The following ADGRL3 variants were observed in gnomAD, a reference collection of about 807,000 sequenced individuals.
The protein encoded by ADGRL3 is calcium-independent alpha-latrotoxin receptor 3.
ADGRL3 carries 62 observed loss-of-function variants against 153.5 expected under a neutral mutation model. The observed-to-expected ratio is 0.40, with a 90% confidence interval of 0.33 to 0.50. The LOEUF is 0.50. Ranked by LOEUF, ADGRL3 falls within the 20% of genes least tolerant of loss-of-function variation. The pLI is 0.47. For synonymous variants in ADGRL3, 710 were observed against 672.5 expected (o/e 1.06, Z -0.86); for missense variants, 1,641 against 1,859.4 (o/e 0.88, Z 2.16).
intron 8 of ADGRL3, among the ~76,000 whole-genome samples, chr4:61,742,445 A>T (rs1216171858): frequency 1.3e-5 from 2 of 151,312 alleles, no homozygotes; most frequent in Non-Finnish European, 2.9e-5. Flanking sequence ...CGCCCGGCTA[A>T]TTTTTTTTGT....
intron 5 of ADGRL3, among the ~76,000 whole-genome samples, chr4:61,614,919 G>T (rs767360282): frequency 3.3e-5 from 5 of 152,072 alleles, no homozygotes; most frequent in African/African-American, 4.8e-5. Flanking sequence ...CTTTATGTTG[G>T]TGTTAAAAGC....
rs527410641 is a variant in ADGRL3, at chr4:61,819,171, C to T, written c.1480+5282C>T. On this transcript the variant is annotated intron_variant, in intron 9 of 26. Coordinates refer to ENST00000683033, the MANE Select transcript of ADGRL3 (RefSeq NM_001387552.1). Reference sequence around the variant, plus strand: ...GTACATACATCTCTATATCTATCTGCTCATCTGTTGACAAGGGACATGGGA... The same window carrying T: ...GTACATACATCTCTATATCTATCTGTTCATCTGTTGACAAGGGACATGGGA... Among the ~76,000 whole-genome samples, 11 of 152,186 alleles carry T rather than the reference C, an allele frequency of 7.2e-5. 1 individual carries two copies. In the South Asian group the frequency reaches 2.3e-3, roughly 32 times the overall value.
intron 2 of ADGRL3, among the ~76,000 whole-genome samples, chr4:61,469,946 C>A (rs1262518523): frequency 1.3e-5 from 2 of 150,756 alleles, no homozygotes; most frequent in Non-Finnish European, 3.0e-5. Context: ...CAAAAAAAAA[C>A]AAACCCCCAG....
intron 2 of ADGRL3, among the ~76,000 whole-genome samples, chr4:61,456,401 A>ATC (rs1208837630): frequency 2.6e-5 from 2 of 77,926 alleles, no homozygotes; most frequent in African/African-American, 4.1e-5. Context: ...ATATATCTAT[A>ATC]TCTATATATA....
intron 2 of ADGRL3, among the ~76,000 whole-genome samples, chr4:61,429,287 G>T: frequency 6.6e-6 from 1 of 152,136 alleles, no homozygotes; most frequent in East Asian, 1.9e-4. Flanking sequence ...GAATCTAAAA[G>T]AACACAACCC....
At chr4:61,498,949 A>T (rs2098352530) in intron 3 of ADGRL3, among the ~76,000 whole-genome samples, 1 of 152,158 alleles carries the variant, frequency 6.6e-6, no homozygotes, top group African/African-American at 2.4e-5. Flanking sequence ...TCATATGTTG[A>T]TGATAATTAT....
At chr4:61,963,295 T>A (rs1322340791) in intron 17 of ADGRL3, among the ~76,000 whole-genome samples, 1 of 151,952 alleles carries the variant, frequency 6.6e-6, no homozygotes, top group African/African-American at 2.4e-5. Flanking sequence ...AGGGGATACA[T>A]GTGCAGGTTT....
At chr4:62,022,201 A>G in intron 21 of ADGRL3, among the ~76,000 whole-genome samples, 1 of 152,202 alleles carries the variant, frequency 6.6e-6, no homozygotes, top group East Asian at 1.9e-4. Context: ...TAGAAGATCA[A>G]ACCAATGTCA....
In ADGRL3 at chr4:61,694,176, A is replaced by ATTTTTTTTTTTTTTTTTTTTT. The variant is rs2095592928; in HGVS notation, c.583+17243_583+17244insTTTTTTTTTTTTTTTTTTTTT. On this transcript the variant is annotated intron_variant, in intron 6 of 26. Transcript: ENST00000683033. ...TCCTATACTATTTTAAAATTTTGTCATTATTTTTTTTTTTTTTTTTTTTTT... is the reference window on the plus strand; with the variant it reads ...TCCTATACTATTTTAAAATTTTGTCATTTTTTTTTTTTTTTTTTTTTTTATTTTTTTTTTTTTTTTTTTTTT... Among the ~76,000 whole-genome samples the ATTTTTTTTTTTTTTTTTTTTT allele has an allele frequency of 4.2e-5, 4 of 94,702 alleles. 1 individual carries two copies. Among genetic ancestry groups the ATTTTTTTTTTTTTTTTTTTTT allele is most frequent in the African/African-American group, 7.4e-5 (2 of 27,122 alleles). 62.1% of individuals were successfully genotyped at this position (94,702 alleles called of 152,430 possible).
At chr4:61,288,262 G>A (rs905416572) in intron 1 of ADGRL3, among the ~76,000 whole-genome samples, 1 of 151,776 alleles carries the variant, frequency 6.6e-6, no homozygotes, top group South Asian at 2.1e-4. Flanking sequence ...GAATCCTTTT[G>A]ACTATACATA....
chr4:61,445,764 C>T (rs1035462795), intron 2 of ADGRL3, among the ~76,000 whole-genome samples: 1 of 152,116 alleles, frequency 6.6e-6, no homozygotes, highest in Non-Finnish European at 1.5e-5. Flanking sequence ...CAGTCATGCA[C>T]CATATATTGA....
intron 4 of ADGRL3, among the ~76,000 whole-genome samples, chr4:61,518,219 C>T (rs1184470541): frequency 6.6e-6 from 1 of 151,996 alleles, no homozygotes. Context: ...TTTTATTTTT[C>T]TCACAAAACT....
chr4:61,646,657 G>T (rs1234753475), intron 5 of ADGRL3, among the ~76,000 whole-genome samples: 1 of 152,156 alleles, frequency 6.6e-6, no homozygotes, highest in Non-Finnish European at 1.5e-5. Context: ...GCTGCGTGCT[G>T]GGAGAACCAC....
At chr4:62,067,278 C>T (rs1400293404) in intron 25 of ADGRL3, among the ~76,000 whole-genome samples, 1 of 151,960 alleles carries the variant, frequency 6.6e-6, no homozygotes, top group Non-Finnish European at 1.5e-5. Context: ...TTTTATGATA[C>T]TTTACCCTTT....
intron 9 of ADGRL3, among the ~76,000 whole-genome samples, chr4:61,881,899 A>T (rs1380489851): frequency 1.3e-5 from 2 of 152,220 alleles, no homozygotes; most frequent in African/African-American, 4.8e-5. Flanking sequence ...GCTAGCCCTA[A>T]GAAAAGAGTC....
intron 25 of ADGRL3, among the ~76,000 whole-genome samples, chr4:62,048,526 G>A (rs982986250): frequency 6.6e-6 from 1 of 152,020 alleles, no homozygotes; most frequent in Non-Finnish European, 1.5e-5. Flanking sequence ...CTCCCAAAGT[G>A]CTGGGATTAC....
At chr4:61,260,879 C>A (rs1398114335) in intron 1 of ADGRL3, among the ~76,000 whole-genome samples, 1 of 152,088 alleles carries the variant, frequency 6.6e-6, no homozygotes. Context: ...GCGTGTACCA[C>A]CATGCCTAAC....
chr4:61,715,093 A>G (rs1160170549), intron 6 of ADGRL3, among the ~76,000 whole-genome samples: 1 of 152,174 alleles, frequency 6.6e-6, no homozygotes, highest in Non-Finnish European at 1.5e-5. Flanking sequence ...CTTTTTTAAC[A>G]TTTAACATAT....
chr4:62,044,936 TA>T (rs1730324120), intron 25 of ADGRL3, among the ~76,000 whole-genome samples: 1 of 152,042 alleles, frequency 6.6e-6, no homozygotes, highest in Admixed American at 6.6e-5. Flanking sequence ...TTTGCGGAAG[TA>T]AAAGTATACT....
Sources: gnomAD v4.1 joint callset for allele counts (sites outside exome capture counted in the v4.1 genomes callset) on GRCh38, gnomAD v4.1.1 for gene constraint, MANE v1.5 for transcripts, NCBI Gene and HGNC (gene_info 2026-07-23, HGNC 2026-07-21) for gene names.